TBC1D19: variants seen among roughly 807,000 people sequenced by gnomAD.
The protein encoded by TBC1D19 is TBC1 domain family member 19, also known as TBC1 domain family, member 19.
In TBC1D19, 60 loss-of-function variants were observed where a neutral mutation model predicts 89.0. The ratio of observed to expected loss-of-function variants is 0.67; its 90% CI spans 0.55 to 0.84. TBC1D19 has a LOEUF of 0.84. Among genes scored for constraint, TBC1D19 ranks in the 40% least tolerant of loss-of-function variants. The pLI, the probability that TBC1D19 is intolerant of heterozygous loss-of-function variation, is 0.00. For synonymous variants in TBC1D19, 189 were observed against 199.7 expected (o/e 0.95, Z 0.45); for missense variants, 500 against 610.8 (o/e 0.82, Z 1.91).
chr4:26,825,103 ATT>A, the TBC1D19 span, among the ~76,000 whole-genome samples: 29 of 144,644 alleles, frequency 2.0e-4, no homozygotes, highest in Non-Finnish European at 1.5e-4. Flanking sequence ...ATAATTTAGG[ATT>A]TTTTTTTTTT....
intron 3 of TBC1D19, among the ~76,000 whole-genome samples, chr4:26,619,048 A>C (rs1334962740): frequency 6.6e-6 from 1 of 152,144 alleles, no homozygotes; most frequent in Non-Finnish European, 1.5e-5. Context: ...TTGTCATTAA[A>C]TATTTCTGAA....
chr4:26,651,295 A>G (rs1744360412), intron 7 of TBC1D19, among the ~76,000 whole-genome samples: 1 of 151,880 alleles, frequency 6.6e-6, no homozygotes. Flanking sequence ...GAATCTATAA[A>G]TTACTTTGGG....
chr4:26,781,504 C>T, the TBC1D19 span, among the ~76,000 whole-genome samples: 1 of 152,166 alleles, frequency 6.6e-6, no homozygotes, highest in Non-Finnish European at 1.5e-5. Flanking sequence ...ATTTACAGAA[C>T]AGGACCTACT....
Position 26,637,211 on chromosome 4 carries a change from G to T in TBC1D19, c.295G>T (p.Gly99Ter). ...TAATTGATTGTTTTTTATGTTTCAG[G>T]GAAGTTGGGAAAAAAGAATTTTGAA... ...EPLVYMRKAQ[G>*]SWEKRILKSL... The change falls in exon 5 of 21, where the codon GGA (glycine) becomes TGA (stop). Residue 99 changes from glycine to a stop codon, truncating the protein, a stop_gained and splice_region_variant. Transcript: ENST00000264866. LOFTEE classifies it high-confidence loss of function. The T allele has an allele frequency of 6.3e-7, 1 of 1,599,856 alleles. No individual in the cohort carries two copies. The highest frequency in any genetic ancestry group is 8.5e-7 in the Non-Finnish European group (1 of 1,171,148).
intron 13 of TBC1D19, among the ~76,000 whole-genome samples, chr4:26,713,137 CA>C (rs11293271): frequency 0.38 from 56,970 of 151,208 alleles, 11,705 homozygotes; most frequent in Non-Finnish European, 0.47. Flanking sequence ...ATTAATAGGT[CA>C]AAAAAAATTC....
chr4:26,780,522 C>A, the TBC1D19 span, among the ~76,000 whole-genome samples: 2 of 152,120 alleles, frequency 1.3e-5, no homozygotes, highest in African/African-American at 4.8e-5. Flanking sequence ...TCATTGCTTC[C>A]CAAAGGACAG....
At chr4:26,681,704 A>G (rs1388743388) in intron 11 of TBC1D19, among the ~76,000 whole-genome samples, 2 of 152,230 alleles carry the variant, frequency 1.3e-5, no homozygotes, top group Non-Finnish European at 2.9e-5. Context: ...ATATGATTAA[A>G]CAAATTGTGA....
Position 26,620,385 on chromosome 4 carries a change from G to A in TBC1D19, c.219-228G>A, listed in dbSNP as rs139189416. Among the ~76,000 whole-genome samples, 883 of 152,226 alleles carry A rather than the reference G, an allele frequency of 5.8e-3. 3 individuals are homozygous for A. The highest frequency in any genetic ancestry group is 0.023 in the South Asian group (113 of 4,820). On this transcript the variant is annotated intron_variant, in intron 3 of 20. Transcript: ENST00000264866. ...TTGGCTTTCTTCACGAGAATGTTACGTCCATGAGAACAGAGAATGTTATCT... is the reference window on the plus strand; with the variant it reads ...TTGGCTTTCTTCACGAGAATGTTACATCCATGAGAACAGAGAATGTTATCT...
intron 13 of TBC1D19, among the ~76,000 whole-genome samples, chr4:26,694,930 A>G (rs1714631142): frequency 6.6e-6 from 1 of 152,208 alleles, no homozygotes. Context: ...AGATAAAACC[A>G]CAAAGATGGG....
intron 13 of TBC1D19, among the ~76,000 whole-genome samples, chr4:26,717,211 T>A (rs1212520271): frequency 2.0e-5 from 3 of 152,078 alleles, no homozygotes; most frequent in Admixed American, 2.0e-4. Context: ...CATCTTGAGT[T>A]CTTTTCTTGG....
At chr4:26,796,682 G>A in the TBC1D19 span, among the ~76,000 whole-genome samples, 2 of 152,048 alleles carry the variant, frequency 1.3e-5, no homozygotes, top group Admixed American at 6.6e-5. Flanking sequence ...CTGGGCAACA[G>A]AGCAAGACTG....
chr4:26,847,632 C>T, the TBC1D19 span, among the ~76,000 whole-genome samples: 3 of 152,116 alleles, frequency 2.0e-5, no homozygotes, highest in Non-Finnish European at 4.4e-5. Context: ...ATCATTATTG[C>T]TTTTACTCCA....
the TBC1D19 span, among the ~76,000 whole-genome samples, chr4:26,850,540 C>CAAAAAAAAAAAAAAAAAAAAA: frequency 5.9e-4 from 53 of 90,402 alleles, no homozygotes; most frequent in African/African-American, 1.8e-3. Flanking sequence ...GACCCTGTCT[C>CAAAAAAAAAAAAAAAAAAAAA]AAAAAAAAAA....
chr4:26,583,170 G>C (rs545465063), upstream of TBC1D19, among the ~76,000 whole-genome samples: 27 of 152,134 alleles, frequency 1.8e-4, no homozygotes, highest in South Asian at 5.4e-3. Flanking sequence ...TTTTTGTGAG[G>C]TTATTCTAAT....
chr4:26,670,092 G>A (rs936997298), intron 9 of TBC1D19, among the ~76,000 whole-genome samples: 3 of 151,566 alleles, frequency 2.0e-5, no homozygotes, highest in Non-Finnish European at 4.4e-5. Context: ...TATTACATCT[G>A]CTGTTTCATG....
chr4:26,780,388 T>G, the TBC1D19 span, among the ~76,000 whole-genome samples: 1 of 152,190 alleles, frequency 6.6e-6, no homozygotes, highest in East Asian at 1.9e-4. Context: ...CTTGAGACTC[T>G]TTAATTTCCT....
At chr4:26,802,176 C>CAAAA in the TBC1D19 span, among the ~76,000 whole-genome samples, 59 of 151,888 alleles carry the variant, frequency 3.9e-4, no homozygotes, top group Non-Finnish European at 6.6e-4. Context: ...AACAAACAAA[C>CAAAA]AAAACAAAAA....
the TBC1D19 span, among the ~76,000 whole-genome samples, chr4:26,799,074 G>T: frequency 2.0e-5 from 3 of 152,256 alleles, no homozygotes; most frequent in South Asian, 4.1e-4. Context: ...ATCCCATGAG[G>T]AGGAATTAGG....
chr4:26,614,510 A>G, intron 3 of TBC1D19, 57 bp downstream of exon 3: 1 of 1,268,010 alleles, frequency 7.9e-7, no homozygotes. Context: ...TTACTTTGTG[A>G]GTAATAAAAC....
Sources: allele counts gnomAD v4.1 joint callset (sites outside exome capture counted in the v4.1 genomes callset), GRCh38; gene constraint gnomAD v4.1.1; transcripts MANE v1.5; gene names NCBI Gene and HGNC (gene_info 2026-07-23, HGNC 2026-07-21).